SGCD: variants seen among roughly 807,000 people sequenced by gnomAD.
The protein encoded by SGCD is delta-sarcoglycan.
Under a neutral mutation model 36.6 loss-of-function variants are expected in SGCD, and 18 were observed. The observed-to-expected ratio is 0.49, with a 90% confidence interval of 0.34 to 0.73. The LOEUF (loss-of-function observed/expected upper bound fraction) is 0.73. Ranked by LOEUF, SGCD falls within the 30% of genes least tolerant of loss-of-function variation. SGCD has a pLI of 0.01. For missense variants in SGCD, 387 were observed against 346.7 expected, an observed-to-expected ratio of 1.12 and a Z score of -0.92; for synonymous variants, 133 against 130.6, an observed-to-expected ratio of 1.02 and a Z score of -0.12.
chr5:156,717,363 C>G (rs1367217679), intron 7 of SGCD, among the ~76,000 whole-genome samples: 1 of 152,202 alleles, frequency 6.6e-6, no homozygotes, highest in Admixed American at 6.5e-5. Context: ...CAACTACATC[C>G]TACACTGTCA....
chr5:156,480,823 G>T (rs1477716910), intron 3 of SGCD, among the ~76,000 whole-genome samples: 1 of 152,126 alleles, frequency 6.6e-6, no homozygotes, highest in Admixed American at 6.5e-5. Flanking sequence ...ATTAAGGAAC[G>T]TGCTCAATGG....
intron 7 of SGCD, among the ~76,000 whole-genome samples, chr5:156,755,652 C>G (rs145863874): frequency 1.3e-5 from 2 of 152,156 alleles, no homozygotes; most frequent in South Asian, 2.1e-4. Context: ...ATGGGCAGAA[C>G]TGCACCTGGT....
intron 3 of SGCD, among the ~76,000 whole-genome samples, chr5:156,181,116 G>A (rs930689239): frequency 6.6e-6 from 1 of 152,204 alleles, no homozygotes; most frequent in South Asian, 2.1e-4. Context: ...AGGACAGAGA[G>A]AAACCTTGGT....
intron 3 of SGCD, among the ~76,000 whole-genome samples, chr5:156,265,864 T>A (rs1279116341): frequency 1.3e-5 from 2 of 152,138 alleles, no homozygotes; most frequent in Admixed American, 6.6e-5. Flanking sequence ...CTGAGGGTAA[T>A]TGCTTGCGAT....
intron 3 of SGCD, among the ~76,000 whole-genome samples, chr5:156,130,807 A>G (rs1762305022): frequency 5.9e-5 from 9 of 151,826 alleles, no homozygotes; most frequent in Admixed American, 5.9e-4. Flanking sequence ...ACTCACCACA[A>G]CCTCTGCCTC....
chr5:156,571,966 C>T (rs1457120754), intron 4 of SGCD, among the ~76,000 whole-genome samples: 1 of 152,154 alleles, frequency 6.6e-6, no homozygotes, highest in Admixed American at 6.5e-5. Context: ...TGTGGAATTG[C>T]CTACTCTGGA....
the SGCD span, among the ~76,000 whole-genome samples, chr5:155,855,159 G>A: frequency 2.1e-3 from 321 of 152,236 alleles, 3 homozygotes; most frequent in African/African-American, 7.2e-3. Flanking sequence ...TTTGGTGTTA[G>A]GGACTGCCCT....
intron 3 of SGCD, among the ~76,000 whole-genome samples, chr5:156,502,064 TG>T (rs770225262): frequency 2.0e-5 from 3 of 151,990 alleles, no homozygotes; most frequent in Non-Finnish European, 4.4e-5. Flanking sequence ...GTTTGGTTTT[TG>T]GGACGGAGTC....
chr5:156,216,564 CAT>C (rs1764580063), intron 3 of SGCD, among the ~76,000 whole-genome samples: 1 of 152,112 alleles, frequency 6.6e-6, no homozygotes, highest in Non-Finnish European at 1.5e-5. Context: ...TGTCACTACC[CAT>C]GAGTCTCTTG....
At chr5:155,824,720 A>C in the SGCD span, among the ~76,000 whole-genome samples, 1 of 152,126 alleles carries the variant, frequency 6.6e-6, no homozygotes, top group Admixed American at 6.6e-5. Flanking sequence ...ATGTCTTCAC[A>C]CCCCAGATGC....
intron 3 of SGCD, among the ~76,000 whole-genome samples, chr5:156,505,441 C>T (rs962457917): frequency 6.6e-6 from 1 of 152,222 alleles, no homozygotes; most frequent in Non-Finnish European, 1.5e-5. Context: ...CCCTGTGTGG[C>T]ATCCATACTG....
intron 1 of SGCD, among the ~76,000 whole-genome samples, chr5:156,089,019 T>C (rs1190056693): frequency 2.6e-5 from 4 of 152,206 alleles, no homozygotes; most frequent in African/African-American, 7.2e-5. Context: ...AGGACTTTAA[T>C]GGCACCTTGT....
At chr5:156,754,701 A>G (rs962082746) in intron 7 of SGCD, among the ~76,000 whole-genome samples, 2 of 152,206 alleles carry the variant, frequency 1.3e-5, no homozygotes, top group Non-Finnish European at 2.9e-5. Context: ...TGTACCATAG[A>G]TTCCTTGTTT....
chr5:155,967,861 C>G (rs1301895355), intron 1 of SGCD, among the ~76,000 whole-genome samples: 1 of 152,056 alleles, frequency 6.6e-6, no homozygotes. Flanking sequence ...AGAAGGAAAG[C>G]ACTGAGACAC....
the SGCD span, among the ~76,000 whole-genome samples, chr5:155,739,487 A>G: frequency 6.6e-6 from 1 of 152,212 alleles, no homozygotes; most frequent in Non-Finnish European, 1.5e-5. Context: ...TAAAAATGAA[A>G]TATTCCATCT....
intron 1 of SGCD, among the ~76,000 whole-genome samples, chr5:156,079,524 G>A (rs945463054): frequency 6.6e-6 from 1 of 152,140 alleles, no homozygotes; most frequent in Non-Finnish European, 1.5e-5. Context: ...ATCAAAACAA[G>A]TATTTACTTC....
chr5:156,209,627 A>T (rs1047695747), intron 3 of SGCD, among the ~76,000 whole-genome samples: 1 of 152,096 alleles, frequency 6.6e-6, no homozygotes, highest in Non-Finnish European at 1.5e-5. Context: ...TTTCAAGATC[A>T]CTCCTGTAAA....
At chr5:156,273,441 A>G (rs548528339) in intron 3 of SGCD, among the ~76,000 whole-genome samples, 1 of 152,150 alleles carries the variant, frequency 6.6e-6, no homozygotes, top group Non-Finnish European at 1.5e-5. Context: ...CTCACAGCCC[A>G]TTGTCAGTTT....
intron 1 of SGCD, among the ~76,000 whole-genome samples, chr5:156,022,736 T>A (rs1185446970): frequency 6.6e-6 from 1 of 152,174 alleles, no homozygotes; most frequent in Non-Finnish European, 1.5e-5. Context: ...TTAAATACAA[T>A]ATTCATTGTC....
Sources: allele counts gnomAD v4.1 joint callset (sites outside exome capture counted in the v4.1 genomes callset), GRCh38; gene constraint gnomAD v4.1.1; transcripts MANE v1.5; gene names NCBI Gene and HGNC (gene_info 2026-07-23, HGNC 2026-07-21).